SPATA12: variants seen among roughly 807,000 people sequenced by gnomAD.
SPATA12 encodes spermatogenesis associated 12, also known as spermatogenesis-associated protein 12.
For synonymous variants in SPATA12, 85 were observed against 89.2 expected (o/e 0.95, Z 0.26); for missense variants, 219 against 226.4 (o/e 0.97, Z 0.21).
intron 1 of SPATA12, among the ~76,000 whole-genome samples, chr3:57,063,142 C>T (rs984468507): frequency 4.6e-5 from 7 of 152,066 alleles, no homozygotes; most frequent in Non-Finnish European, 1.0e-4. Context: ...TTTTGGGCAG[C>T]GGGAATAGCA....
intron 1 of SPATA12, among the ~76,000 whole-genome samples, chr3:57,071,811 C>A (rs1167876308): frequency 1.3e-5 from 2 of 151,976 alleles, no homozygotes; most frequent in Admixed American, 1.3e-4. Context: ...CTTCAAAGAA[C>A]ACCATCAAGA....
chr3:57,073,821 C>T lies in SPATA12; in HGVS notation c.127C>T (p.His43Tyr). 1 of 1,614,236 alleles carries T rather than the reference C, an allele frequency of 6.2e-7. No homozygotes were observed. Among genetic ancestry groups the T allele is most frequent in the Non-Finnish European group, 8.5e-7 (1 of 1,180,042 alleles). ...PPRGLGSSTQ[H>Y]PNKPHCALAS... ...CAGAGGCCTTGGGTCATCCACCCAA[C>T]ATCCCAACAAACCCCACTGTGCACT... Residue 43 changes from histidine (H) to tyrosine (Y), a missense_variant, in exon 2 of 2, where the codon CAT becomes TAT. By Grantham distance (83) the His-to-Tyr change is moderately conservative. Transcript: ENST00000334325.
Position 57,074,804 on chromosome 3 carries a change from A to C in SPATA12, c.*537A>C, listed in dbSNP as rs911666390. On this transcript the variant is annotated 3_prime_UTR_variant, in exon 2 of 2. Coordinates refer to ENST00000334325, the MANE Select transcript of SPATA12 (RefSeq NM_181727.2). ...GTGCAGGATTATAACTCCAGCAATG[A>C]CCCCTAGGCTCATGCTCATTCCCCA... 6.5e-5 allele frequency: 11 copies of C among 169,982 alleles called. No homozygotes were observed. The highest frequency in any genetic ancestry group is 2.7e-4 in the African/African-American group (11 of 41,372). The allele number at this position is 169,982 out of a possible 1,614,324, so 10.5% of individuals were successfully genotyped here. A position where few individuals can be genotyped will look rare whatever the true frequency, so the allele number is the denominator to read the frequency against.
At chr3:57,069,323 T>A (rs1705746588) in intron 1 of SPATA12, among the ~76,000 whole-genome samples, 1 of 152,100 alleles carries the variant, frequency 6.6e-6, no homozygotes, top group Admixed American at 6.6e-5. Flanking sequence ...CATGCTTTTT[T>A]AAATTGCTTT....
intron 1 of SPATA12, among the ~76,000 whole-genome samples, chr3:57,070,189 T>C (rs1323992555): frequency 6.6e-6 from 1 of 152,138 alleles, no homozygotes; most frequent in Non-Finnish European, 1.5e-5. Flanking sequence ...ACCACACTTC[T>C]CCAGGCATGA....
At chr3:57,066,848 T>C (rs1361625318) in intron 1 of SPATA12, among the ~76,000 whole-genome samples, 2 of 152,144 alleles carry the variant, frequency 1.3e-5, no homozygotes, top group Non-Finnish European at 2.9e-5. Flanking sequence ...CAGAGAGCCT[T>C]TGGGCTCACT....
intron 1 of SPATA12, among the ~76,000 whole-genome samples, chr3:57,063,975 G>A (rs1272065555): frequency 6.6e-6 from 1 of 152,218 alleles, no homozygotes; most frequent in Non-Finnish European, 1.5e-5. Flanking sequence ...TAAAAAGGAG[G>A]GAAATTCCAT....
chr3:57,062,611 T>C (rs368023777), intron 1 of SPATA12, among the ~76,000 whole-genome samples: 2 of 152,164 alleles, frequency 1.3e-5, no homozygotes, highest in Admixed American at 6.5e-5. Context: ...AAAGCTGCTC[T>C]AGCCACTCAG....
intron 1 of SPATA12, among the ~76,000 whole-genome samples, chr3:57,063,302 G>A (rs1705335878): frequency 6.6e-6 from 1 of 152,152 alleles, no homozygotes; most frequent in Non-Finnish European, 1.5e-5. Flanking sequence ...CCACCCTAAA[G>A]GCTTTGGCTT....
intron 1 of SPATA12, among the ~76,000 whole-genome samples, chr3:57,070,400 C>T (rs9871274): frequency 0.28 from 42,321 of 152,046 alleles, 6,879 homozygotes; most frequent in East Asian, 0.48. Flanking sequence ...ACATTTACAT[C>T]GCTGGAGTTT....
rs1706051599 is a variant in SPATA12, at chr3:57,073,559, G to A, written c.-136G>A. ...TGAGCACCCCGGGATGATTGGTGGT[G>A]GGGTGTGGCTGAAGGTGAATTGGAA... On this transcript the variant is annotated 5_prime_UTR_variant, in exon 2 of 2. Transcript: ENST00000334325. The A allele has an allele frequency of 5.0e-6, 7 of 1,390,864 alleles. No homozygotes were observed. The highest frequency in any genetic ancestry group is 3.8e-6 in the Non-Finnish European group (4 of 1,056,330). 86.2% of individuals were successfully genotyped at this position (1,390,864 alleles called of 1,614,324 possible).
rs1705179453 is a variant in SPATA12 at position 57,060,762 on chromosome 3, C to T, written c.-354C>T. ...TCAGATCCCAGCCTGCAGTATCAGA[C>T]CTCAAAAGGAGCCTCTGGTGTCTTG... On this transcript the variant is annotated 5_prime_UTR_variant, in exon 1 of 2. Coordinates refer to ENST00000334325, the MANE Select transcript of SPATA12 (RefSeq NM_181727.2). The T allele has an allele frequency of 6.6e-6, 1 of 152,112 alleles. No individual in the cohort carries two copies. Among genetic ancestry groups the T allele is most frequent in the Non-Finnish European group, 1.5e-5 (1 of 68,032 alleles). 9.4% of individuals were successfully genotyped at this position (152,112 alleles called of 1,614,324 possible).
chr3:57,074,254 A>G lies in SPATA12; in HGVS notation c.560A>G (p.His187Arg), dbSNP rs146163794. The G allele has an allele frequency of 1.2e-4, 189 of 1,612,400 alleles. 1 individual carries two copies. The African/African-American group carries it at 2.3e-3, about 20-fold the overall frequency. ...ACAGTATACTCCAACACACACATAC[A>G]CACACATCTGTAATCAATAATAATC... Reference protein sequence around the residue: ...LSTVYSNTHIHTHL With the variant: ...LSTVYSNTHIRTHL The change falls in exon 2 of 2, where the codon CAC becomes CGC. Residue 187 changes from histidine (H) to arginine (R), a missense_variant. Transcript: ENST00000334325.
chr3:57,074,143 A>C lies in SPATA12; in HGVS notation c.449A>C (p.Asp150Ala), dbSNP rs767241191. The change falls in exon 2 of 2, where the codon GAT becomes GCT. Residue 150 changes from aspartate (D) to alanine (A), a missense_variant. By Grantham distance (126) the Asp-to-Ala change is moderately radical. Coordinates refer to ENST00000334325, the MANE Select transcript of SPATA12 (RefSeq NM_181727.2). ...GGATGGTTGTGGAGACTGTGTGAGG[A>C]TATAGATGCCGAGCCCAGTAGCACA... ...TTGWLWRLCE[D>A]IDAEPSSTGC... is the part of the protein sequence containing the mutation. The C allele has an allele frequency of 2.0e-5, 33 of 1,614,040 alleles. No homozygotes were observed. Among genetic ancestry groups the C allele is most frequent in the Non-Finnish European group, 2.6e-5 (31 of 1,180,012 alleles).
chr3:57,068,162 C>T (rs564020801), intron 1 of SPATA12, among the ~76,000 whole-genome samples: 1,414 of 52,874 alleles, frequency 0.027, 35 homozygotes, highest in African/African-American at 0.09. Flanking sequence ...TGCGCGCACA[C>T]ACACATACAC....
chr3:57,062,042 A>T (rs1180821882), intron 1 of SPATA12, among the ~76,000 whole-genome samples: 5 of 152,062 alleles, frequency 3.3e-5, no homozygotes, highest in African/African-American at 1.2e-4. Context: ...AGGATCAAGT[A>T]AAAAAAGAGA....
chr3:57,071,246 A>T (rs1297690185), intron 1 of SPATA12, among the ~76,000 whole-genome samples: 2 of 152,234 alleles, frequency 1.3e-5, no homozygotes, highest in Non-Finnish European at 2.9e-5. Flanking sequence ...TTCTGGGACA[A>T]CAGGATTTCC....
At chr3:57,063,538 AAGAG>A (rs953598323) in intron 1 of SPATA12, among the ~76,000 whole-genome samples, 29 of 152,206 alleles carry the variant, frequency 1.9e-4, no homozygotes, top group African/African-American at 6.7e-4. Flanking sequence ...AAGTGAAGAG[AAGAG>A]AGATACAAAA....
chr3:57,069,197 A>G (rs769017577), intron 1 of SPATA12, among the ~76,000 whole-genome samples: 1 of 152,240 alleles, frequency 6.6e-6, no homozygotes, highest in Non-Finnish European at 1.5e-5. Context: ...CTAGGATTAC[A>G]GGCGTGAGCC....
Sources: gnomAD v4.1 joint callset for allele counts (sites outside exome capture counted in the v4.1 genomes callset) on GRCh38, gnomAD v4.1.1 for gene constraint, MANE v1.5 for transcripts, NCBI Gene and HGNC (gene_info 2026-07-23, HGNC 2026-07-21) for gene names.